The following TTLL5 variants were observed in gnomAD, a reference collection of about 807,000 sequenced individuals.
TTLL5 encodes tubulin tyrosine ligase like 5.
In TTLL5, 132 loss-of-function variants were observed where a neutral mutation model predicts 168.4. That is an observed-to-expected ratio of 0.78 (90% confidence interval 0.68 to 0.91). TTLL5 has a LOEUF of 0.91. Ranked by LOEUF, TTLL5 falls within the 40% of genes least tolerant of loss-of-function variation. TTLL5 has a pLI of 0.00. For synonymous variants in TTLL5, 546 were observed against 558.6 expected (o/e 0.98, Z 0.32); for missense variants, 1,545 against 1,581.5 (o/e 0.98, Z 0.39).
rs561078439 is a variant in TTLL5 at position 75,827,707 on chromosome 14, CTTTTTTTT to C, written c.3326+7570_3326+7577del. 8.3e-3 allele frequency among the ~76,000 whole-genome samples: 444 copies of C among 53,238 alleles called. 3 individuals carry two copies. The highest frequency in any genetic ancestry group is 0.033 in the African/African-American group (407 of 12,484). The allele number at this position is 53,238 out of a possible 152,430, so 34.9% of individuals were successfully genotyped here. Reference sequence around the variant, plus strand: ...AATCAATACCACATTTGGCTTGGTTCTTTTTTTTTTTTTTTTTTTTTTTTTTTTTTTGA... The same window carrying C: ...AATCAATACCACATTTGGCTTGGTTCTTTTTTTTTTTTTTTTTTTTTTTGA... On this transcript the variant is annotated intron_variant, in intron 28 of 31. Coordinates refer to ENST00000298832, the MANE Select transcript of TTLL5 (RefSeq NM_015072.5).
At chr14:75,770,711 A>C (rs557255310) in intron 20 of TTLL5, among the ~76,000 whole-genome samples, 1 of 152,330 alleles carries the variant, frequency 6.6e-6, no homozygotes, top group South Asian at 2.1e-4. Flanking sequence ...GCCACCAGGC[A>C]GAAAATAGCT....
At chr14:75,685,720 G>T (rs556772995) in intron 5 of TTLL5, among the ~76,000 whole-genome samples, 1 of 152,174 alleles carries the variant, frequency 6.6e-6, no homozygotes, top group Non-Finnish European at 1.5e-5. Flanking sequence ...TCTAGAGAAG[G>T]TGTATATTTG....
At chr14:75,706,617 G>A (rs1185990533) in intron 7 of TTLL5, among the ~76,000 whole-genome samples, 1 of 152,152 alleles carries the variant, frequency 6.6e-6, no homozygotes. Context: ...TTTAAGAATA[G>A]TAGTAGTATT....
intron 31 of TTLL5, among the ~76,000 whole-genome samples, chr14:75,933,725 C>A (rs1595296385): frequency 6.6e-6 from 1 of 152,158 alleles, no homozygotes; most frequent in Non-Finnish European, 1.5e-5. Context: ...AAGCCCTAAC[C>A]CCCAATACCT....
chr14:75,847,292 C>T (rs1259562458), intron 28 of TTLL5, among the ~76,000 whole-genome samples: 1 of 151,920 alleles, frequency 6.6e-6, no homozygotes, highest in Non-Finnish European at 1.5e-5. Flanking sequence ...CGTGAGCCAC[C>T]GCATCTGGCT....
At chr14:75,748,981 GC>G (rs1234321896) in intron 17 of TTLL5, among the ~76,000 whole-genome samples, 2 of 152,118 alleles carry the variant, frequency 1.3e-5, no homozygotes, top group Non-Finnish European at 2.9e-5. Flanking sequence ...AAAAGAAAAA[GC>G]CATTTTTAAA....
chr14:75,716,600 T>G (rs1887477475), intron 9 of TTLL5, among the ~76,000 whole-genome samples: 1 of 152,088 alleles, frequency 6.6e-6, no homozygotes, highest in South Asian at 2.1e-4. Context: ...ACTTGTGGCC[T>G]TCTTTTTTTT....
At chr14:75,833,103 G>A (rs898613689) in intron 28 of TTLL5, among the ~76,000 whole-genome samples, 1 of 152,142 alleles carries the variant, frequency 6.6e-6, no homozygotes, top group Non-Finnish European at 1.5e-5. Flanking sequence ...CAAGCCCCAT[G>A]CCCTTATCAG....
chr14:75,735,517 T>C (rs1888831844), intron 15 of TTLL5, among the ~76,000 whole-genome samples: 1 of 152,242 alleles, frequency 6.6e-6, no homozygotes, highest in African/African-American at 2.4e-5. Flanking sequence ...TCTCTTGGCT[T>C]TTTTTCATTA....
At chr14:75,874,587 G>A (rs1018940067) in intron 29 of TTLL5, among the ~76,000 whole-genome samples, 2 of 152,182 alleles carry the variant, frequency 1.3e-5, no homozygotes, top group African/African-American at 4.8e-5. Flanking sequence ...CAGACATACT[G>A]ATGAAATACA....
chr14:75,886,768 A>G, intron 30 of TTLL5: 1 of 1,596,650 alleles, frequency 6.3e-7, no homozygotes, highest in Non-Finnish European at 8.5e-7. Context: ...TGAACTGAGG[A>G]CGACAGCCTA....
intron 7 of TTLL5, among the ~76,000 whole-genome samples, chr14:75,701,698 A>G (rs1337439942): frequency 6.6e-6 from 1 of 152,130 alleles, no homozygotes. Context: ...CTGCACCCAC[A>G]CGTCTCCTGG....
intron 28 of TTLL5, among the ~76,000 whole-genome samples, chr14:75,848,670 A>G (rs945284886): frequency 6.6e-6 from 1 of 152,190 alleles, no homozygotes; most frequent in African/African-American, 2.4e-5. Context: ...CAAAATAAAG[A>G]ACTGGATCAA....
chr14:75,862,127 C>T (rs1484701913), intron 28 of TTLL5, among the ~76,000 whole-genome samples: 1 of 152,188 alleles, frequency 6.6e-6, no homozygotes, highest in African/African-American at 2.4e-5. Context: ...TCGTGACTGA[C>T]TTATTTCACT....
rs1261834263 is a variant in TTLL5, at chr14:75,671,873, T to C, written c.181+2351T>C. On this transcript the variant is annotated intron_variant, in intron 3 of 31. Coordinates refer to ENST00000298832, the MANE Select transcript of TTLL5 (RefSeq NM_015072.5). ...CAACGTGGATGCCTTTTATTTCTTT[T>C]TCTTCCCTAATTGTTCTGGCTAGAA... is the stretch of plus-strand genomic sequence containing the variant. Among the ~76,000 whole-genome samples the C allele has an allele frequency of 2.0e-5, 3 of 152,344 alleles. No homozygotes were observed. The East Asian group carries it at 5.8e-4, about 29-fold the overall frequency.
chr14:75,857,745 A>G (rs1391261447), intron 28 of TTLL5, among the ~76,000 whole-genome samples: 1 of 151,318 alleles, frequency 6.6e-6, no homozygotes, highest in African/African-American at 2.4e-5. Flanking sequence ...TCCGCCTCCC[A>G]GGTTCAAGCG....
chr14:75,873,095 A>G (rs1387713143), intron 29 of TTLL5, among the ~76,000 whole-genome samples: 11 of 138,722 alleles, frequency 7.9e-5, no homozygotes, highest in African/African-American at 3.0e-4. Context: ...TTTTTTTGAG[A>G]CGGAGTCTCG....
chr14:75,663,341 C>A, intron 2 of TTLL5, 118 bp downstream of exon 2: 1 of 1,000,582 alleles, frequency 1.0e-6, no homozygotes, highest in Non-Finnish European at 1.5e-6. Context: ...TATCTAGTGT[C>A]ATTCCTTGGG....
chr14:75,922,195 CCT>C (rs2033852408), intron 31 of TTLL5, among the ~76,000 whole-genome samples: 1 of 151,808 alleles, frequency 6.6e-6, no homozygotes, highest in African/African-American at 2.4e-5. Flanking sequence ...AATTTGACTT[CCT>C]CTTTTCCTAA....
Sources: allele counts gnomAD v4.1 joint callset (sites outside exome capture counted in the v4.1 genomes callset), GRCh38; gene constraint gnomAD v4.1.1; transcripts MANE v1.5; gene names NCBI Gene and HGNC (gene_info 2026-07-23, HGNC 2026-07-21).